FER1L5: variants seen among roughly 807,000 people sequenced by gnomAD.
FER1L5 encodes fer-1-like protein 5.
Under a neutral mutation model 279.9 loss-of-function variants are expected in FER1L5, and 187 were observed. The ratio of observed to expected loss-of-function variants is 0.67; its 90% CI spans 0.59 to 0.75. The LOEUF (loss-of-function observed/expected upper bound fraction) is 0.75, where lower values mean the gene tolerates loss of function less well. FER1L5 is among the 30% of genes least tolerant of loss of function. FER1L5 has a pLI of 0.00. For synonymous variants in FER1L5, 921 were observed against 989.7 expected, an observed-to-expected ratio of 0.93 and a Z score of 1.30; for missense variants, 2,091 against 2,594.4, an observed-to-expected ratio of 0.81 and a Z score of 4.21.
chr2:96,645,495 A>C (rs530699784), intron 1 of FER1L5, among the ~76,000 whole-genome samples: 2 of 152,360 alleles, frequency 1.3e-5, no homozygotes, highest in African/African-American at 4.8e-5. Flanking sequence ...ACTCTGGAAG[A>C]AAATGAAATG....
rs926708964 is a variant in FER1L5 at position 96,703,356 on chromosome 2, G to A, written c.5691+10G>A. 1 of 1,605,810 alleles carries A rather than the reference G, an allele frequency of 6.2e-7. No individual in the cohort carries two copies. Among genetic ancestry groups the A allele is most frequent in the Non-Finnish European group, 8.5e-7 (1 of 1,176,164 alleles). On this transcript the variant is annotated intron_variant, in intron 50 of 52. Coordinates refer to ENST00000624922, the MANE Select transcript of FER1L5 (RefSeq NM_001293083.2). ...CAAATGGCGCTTGTCGGTAGGAGCT[G>A]GGGAGTGTCTACTGATTAGGGCTGC... is the stretch of plus-strand genomic sequence containing the variant.
intron 3 of FER1L5, 88 bp from the exon 4 acceptor site, chr2:96,647,690 A>G (rs2075195464): frequency 1.0e-6 from 1 of 955,514 alleles, no homozygotes. Flanking sequence ...CTGGGAGGAA[A>G]CCGTCTCTAG....
chr2:96,689,691 T>C lies in FER1L5; in HGVS notation c.2573T>C (p.Val858Ala). Residue 858 changes from valine to alanine, a missense_variant, in exon 26 of 53, where the codon GTA (valine) becomes GCA (alanine). Val to Ala is a moderately conservative substitution (Grantham distance 64). Transcript: ENST00000624922. The surrounding 1 kb of genome is among the most constrained non-coding windows in gnomAD (Gnocchi z 4.6). The stretch of plus-strand genomic sequence containing the variant: ...AACAAGAGCCAGGTGCTGGAGGAGG[T>C]ATATGAGAACCAGGGCCGTGACACC... Reference protein sequence around the residue: ...DINKSQVLEEVYENQGRDTRG... With the variant: ...DINKSQVLEEAYENQGRDTRG... 1 of 1,550,492 alleles carries C rather than the reference T, an allele frequency of 6.4e-7. No individual in the cohort carries two copies. Among genetic ancestry groups the C allele is most frequent in the Non-Finnish European group, 8.7e-7 (1 of 1,146,772 alleles).
intron 7 of FER1L5, 108 bp downstream of exon 7, chr2:96,652,128 C>G: frequency 1.4e-6 from 2 of 1,451,182 alleles, no homozygotes; most frequent in Non-Finnish European, 1.9e-6. Context: ...TGTGTTTGTT[C>G]CACAAGCATT....
chr2:96,682,355 G>A (rs2076761578), intron 19 of FER1L5, among the ~76,000 whole-genome samples: 1 of 152,126 alleles, frequency 6.6e-6, no homozygotes, highest in Non-Finnish European at 1.5e-5. Context: ...GCCTCCCAAA[G>A]TGCTGGGATT....
Position 96,685,425 on chromosome 2 carries a change from T to G in FER1L5, c.1891T>G (p.Cys631Gly). The change falls in exon 21 of 53, where the codon TGC (cysteine) becomes GGC (glycine). Residue 631 changes from cysteine (C) to glycine (G), a missense_variant. Physicochemically the swap from Cys to Gly is radical, Grantham distance 159. Transcript: ENST00000624922. ...EKLLRELAED[C>G]KRPLPCMTYQ... Reference sequence around the variant, plus strand: ...ACTGCTGAGGGAGCTGGCAGAGGACTGCAAGTAGGAGTAGGGGCACTCCGG... The same window carrying G: ...ACTGCTGAGGGAGCTGGCAGAGGACGGCAAGTAGGAGTAGGGGCACTCCGG... 6.5e-7 allele frequency: 1 copy of G among 1,550,084 alleles called. No individual in the cohort carries two copies. Among genetic ancestry groups the G allele is most frequent in the Non-Finnish European group, 8.7e-7 (1 of 1,146,552 alleles).
rs2075306151 is a variant in FER1L5, at chr2:96,650,243, G to A, written c.458G>A (p.Gly153Asp). The A allele has an allele frequency of 6.4e-7, 1 of 1,551,608 alleles. No individual in the cohort carries two copies. The highest frequency in any genetic ancestry group is 1.4e-5 in the African/African-American group (1 of 73,054). Reference protein sequence around the residue: ...EAASQKLMVPGSTAHRALSSK... With the variant: ...EAASQKLMVPDSTAHRALSSK... ...GCCAGTCAGAAACTGATGGTCCCTG[G>A]CTCCACTGCGCACAGGGCTCTGTCC... Residue 153 changes from glycine (G) to aspartate (D), a missense_variant, in exon 6 of 53, where the codon GGC (glycine) becomes GAC (aspartate). Physicochemically the swap from Gly to Asp is moderately conservative, Grantham distance 94. Transcript: ENST00000624922.
In FER1L5 at chr2:96,702,078, C is replaced by T; in HGVS notation, c.5159+35C>T. The stretch of plus-strand genomic sequence containing the variant: ...AGCCCACTTCCCAACTGCTGCATTT[C>T]ACAGTTCAGAACTCCCCCAGTGCAG... On this transcript the variant is annotated intron_variant, in intron 46 of 52. Coordinates refer to ENST00000624922, the MANE Select transcript of FER1L5 (RefSeq NM_001293083.2). This position sits in a 1 kb window ranked among gnomAD's most constrained non-coding sequence, Gnocchi z 4.0. The T allele has an allele frequency of 6.2e-7, 1 of 1,609,878 alleles. No individual in the cohort carries two copies. The highest frequency in any genetic ancestry group is 8.5e-7 in the Non-Finnish European group (1 of 1,176,408).
At chr2:96,650,072 C>A in intron 5 of FER1L5, 108 bp from the exon 6 acceptor site, 4 of 857,832 alleles carry the variant, frequency 4.7e-6, no homozygotes, top group South Asian at 1.6e-5. Context: ...CTTGGCCATG[C>A]TTTTAGTCAG....
rs189831361 is a variant in FER1L5, at chr2:96,683,125, G to A, written c.1670-1202G>A. Among the ~76,000 whole-genome samples, 181 of 152,220 alleles carry A rather than the reference G, an allele frequency of 1.2e-3. 1 individual carries two copies. The highest frequency in any genetic ancestry group is 4.1e-3 in the African/African-American group (172 of 41,528). ...TCAGTTCTCATTCCCCGGCCCCAACGGCTTAGGGTTTGGAGTTCGTGATCT... is the reference window on the plus strand; with the variant it reads ...TCAGTTCTCATTCCCCGGCCCCAACAGCTTAGGGTTTGGAGTTCGTGATCT... On this transcript the variant is annotated intron_variant, in intron 19 of 52. Coordinates refer to ENST00000624922, the MANE Select transcript of FER1L5 (RefSeq NM_001293083.2).
Position 96,697,581 on chromosome 2 carries a change from T to C in FER1L5, c.4134+5T>C, listed in dbSNP as rs780634185. ...TTCAAGTCCAGTAAAGCAGAGGTGATGAAGGCTCAGCCCCATTCAGTGCAG... is the reference window on the plus strand; with the variant it reads ...TTCAAGTCCAGTAAAGCAGAGGTGACGAAGGCTCAGCCCCATTCAGTGCAG... On this transcript the variant is annotated splice_donor_5th_base_variant and intron_variant, in intron 38 of 52. Coordinates refer to ENST00000624922, the MANE Select transcript of FER1L5 (RefSeq NM_001293083.2). 8 of 1,613,684 alleles carry C rather than the reference T, an allele frequency of 5.0e-6. No homozygotes were observed. Among genetic ancestry groups the C allele is most frequent in the African/African-American group, 1.3e-5 (1 of 74,938 alleles).
intron 45 of FER1L5, 65 bp from the exon 46 acceptor site, chr2:96,701,890 C>T: frequency 2.0e-6 from 3 of 1,537,136 alleles, no homozygotes; most frequent in Non-Finnish European, 2.7e-6. Flanking sequence ...GACAGGGAAC[C>T]CCAGGCCAGC....
At chr2:96,684,991 A>G (rs186949515) in intron 20 of FER1L5, among the ~76,000 whole-genome samples, 1 of 152,036 alleles carries the variant, frequency 6.6e-6, no homozygotes, top group Admixed American at 6.5e-5. Context: ...AAACTGTCTC[A>G]AGTGCCTGTT....
At chr2:96,699,210 A>G in intron 42 of FER1L5, 74 bp downstream of exon 42, 1 of 1,461,992 alleles carries the variant, frequency 6.8e-7, no homozygotes, top group Non-Finnish European at 9.4e-7. Flanking sequence ...CGGAGAAGGC[A>G]CAGAACTCTG....
chr2:96,697,467 T>C, intron 37 of FER1L5, 59 bp from the exon 38 acceptor site: 4 of 1,581,668 alleles, frequency 2.5e-6, no homozygotes, highest in Non-Finnish European at 3.4e-6. Flanking sequence ...CTCTCCTCTC[T>C]GAAGTCAGAG....
intron 21 of FER1L5, 51 bp from the exon 22 acceptor site, chr2:96,685,889 A>T: frequency 6.8e-7 from 1 of 1,469,656 alleles, no homozygotes; most frequent in African/African-American, 1.4e-5. Flanking sequence ...GAATGGTGAC[A>T]CTGGGAGGCA....
chr2:96,679,689 TTTAA>T (rs1217124166), intron 19 of FER1L5, among the ~76,000 whole-genome samples: 1 of 152,262 alleles, frequency 6.6e-6, no homozygotes, highest in African/African-American at 2.4e-5. Flanking sequence ...TGTTCCATTG[TTTAA>T]TTTTCTACAT....
At chr2:96,687,749 G>C in intron 23 of FER1L5, 67 bp from the exon 24 acceptor site, 2 of 1,536,052 alleles carry the variant, frequency 1.3e-6, no homozygotes, top group East Asian at 2.5e-5. Flanking sequence ...CAGCCCACTT[G>C]GGGGGTGGCC....
intron 7 of FER1L5, 106 bp from the exon 8 acceptor site, chr2:96,653,534 A>G: frequency 1.2e-6 from 1 of 864,162 alleles, no homozygotes; most frequent in Non-Finnish European, 1.9e-6. Flanking sequence ...TGAAATGGGT[A>G]AAGTTGTGGA....
Sources: allele counts gnomAD v4.1 joint callset (sites outside exome capture counted in the v4.1 genomes callset), GRCh38; gene constraint gnomAD v4.1.1; non-coding constraint Gnocchi (gnomAD v3.1); transcripts MANE v1.5; gene names NCBI Gene and HGNC (gene_info 2026-07-23, HGNC 2026-07-21).